CCDC171: variants seen among roughly 807,000 people sequenced by gnomAD.
The protein encoded by CCDC171 is coiled-coil domain-containing protein 171.
Under a neutral mutation model 168.2 loss-of-function variants are expected in CCDC171, and 177 were observed. The ratio of observed to expected loss-of-function variants is 1.05; its 90% CI spans 0.93 to 1.19. The LOEUF is 1.19. Ranked by LOEUF, CCDC171 falls within the 50% of genes most tolerant of loss-of-function variation. The pLI, the probability that CCDC171 is intolerant of heterozygous loss-of-function variation, is 0.00. For synonymous variants in CCDC171, 687 were observed against 540.8 expected (o/e 1.27, Z -3.75); for missense variants, 1,991 against 1,539.0 (o/e 1.29, Z -4.91).
intron 3 of CCDC171, among the ~76,000 whole-genome samples, chr9:16,002,819 A>C (rs1734049470): frequency 6.6e-6 from 1 of 152,148 alleles, no homozygotes; most frequent in Non-Finnish European, 1.5e-5. Flanking sequence ...TTTGTACTGT[A>C]CTTTTGCTAT....
At chr9:15,637,283 A>G (rs2046272188) in intron 7 of CCDC171, among the ~76,000 whole-genome samples, 1 of 152,054 alleles carries the variant, frequency 6.6e-6, no homozygotes, top group Admixed American at 6.6e-5. Context: ...AAAAGTAATA[A>G]AATGCACACA....
chr9:15,910,445 A>G (rs967918583), intron 24 of CCDC171, among the ~76,000 whole-genome samples: 8 of 152,144 alleles, frequency 5.3e-5, no homozygotes, highest in Admixed American at 6.6e-5. Flanking sequence ...TTGTGCTAGT[A>G]CCATGCTATT....
intron 7 of CCDC171, among the ~76,000 whole-genome samples, chr9:15,629,509 A>G (rs961773565): frequency 5.9e-5 from 9 of 152,242 alleles, no homozygotes; most frequent in African/African-American, 1.7e-4. Context: ...CAAAGCCTCC[A>G]GGAAATATGG....
intron 11 of CCDC171, among the ~76,000 whole-genome samples, chr9:15,715,813 T>G (rs912896812): frequency 1.3e-5 from 2 of 152,246 alleles, no homozygotes; most frequent in African/African-American, 4.8e-5. Context: ...TGATGTCAGC[T>G]TGAAAAACAA....
At chr9:15,795,358 C>G (rs943381117) in intron 21 of CCDC171, among the ~76,000 whole-genome samples, 2 of 152,178 alleles carry the variant, frequency 1.3e-5, no homozygotes, top group Non-Finnish European at 2.9e-5. Context: ...GGTCTCACCT[C>G]TCAGCACTGT....
chr9:15,574,367 A>T (rs889690726), intron 3 of CCDC171, among the ~76,000 whole-genome samples: 11 of 151,490 alleles, frequency 7.3e-5, no homozygotes, highest in Admixed American at 1.3e-4. Context: ...CTGGTCTCGA[A>T]CTCCTGACTT....
intron 3 of CCDC171, among the ~76,000 whole-genome samples, chr9:16,003,658 G>T (rs1040350058): frequency 2.1e-4 from 32 of 152,164 alleles, no homozygotes; most frequent in Non-Finnish European, 4.4e-4. Flanking sequence ...CTTTTTCCGT[G>T]TCATTATTTG....
intron 23 of CCDC171, among the ~76,000 whole-genome samples, chr9:15,866,173 C>A (rs1322918001): frequency 6.6e-6 from 1 of 151,844 alleles, no homozygotes; most frequent in Non-Finnish European, 1.5e-5. Flanking sequence ...AGCCTTGGAT[C>A]ATATAATGGA....
At chr9:15,741,201 C>G (rs1044449926) in intron 16 of CCDC171, among the ~76,000 whole-genome samples, 24 of 152,148 alleles carry the variant, frequency 1.6e-4, no homozygotes, top group African/African-American at 4.6e-4. Context: ...AGTGTGTTCA[C>G]AGTATTGCAC....
chr9:15,660,679 T>C (rs986552817), intron 8 of CCDC171, among the ~76,000 whole-genome samples: 2 of 152,250 alleles, frequency 1.3e-5, no homozygotes, highest in African/African-American at 4.8e-5. Context: ...TGCGTAGTAA[T>C]CCATGGTAAG....
chr9:15,916,350 G>A (rs1481816213), intron 24 of CCDC171, among the ~76,000 whole-genome samples: 2 of 151,776 alleles, frequency 1.3e-5, no homozygotes, highest in Non-Finnish European at 2.9e-5. Flanking sequence ...CTGATTTTGT[G>A]AGAATGTATT....
intron 22 of CCDC171, among the ~76,000 whole-genome samples, chr9:15,848,364 C>G (rs2060988001): frequency 6.6e-6 from 1 of 151,812 alleles, no homozygotes; most frequent in South Asian, 2.1e-4. Flanking sequence ...ATAGGAGAAA[C>G]TAGTAACTTT....
intron 21 of CCDC171, among the ~76,000 whole-genome samples, chr9:15,832,643 G>A (rs2060280742): frequency 6.6e-6 from 1 of 152,124 alleles, no homozygotes; most frequent in South Asian, 2.1e-4. Flanking sequence ...GGGGCTTGAG[G>A]GACTGGAAGT....
chr9:15,736,228 C>T (rs1395366554), intron 16 of CCDC171, among the ~76,000 whole-genome samples: 5 of 152,164 alleles, frequency 3.3e-5, no homozygotes, highest in Admixed American at 3.3e-4. Flanking sequence ...CCATCCTTAT[C>T]TTCCAGTCCC....
intron 8 of CCDC171, among the ~76,000 whole-genome samples, chr9:16,036,895 C>T (rs1833481225): frequency 6.6e-6 from 1 of 152,110 alleles, no homozygotes; most frequent in African/African-American, 2.4e-5. Context: ...GCCTGGGGGA[C>T]ATGATGTTAA....
At chr9:16,086,555 C>A in the CCDC171 span, among the ~76,000 whole-genome samples, 1 of 152,186 alleles carries the variant, frequency 6.6e-6, no homozygotes, top group African/African-American at 2.4e-5. Context: ...ATCTGCCCGC[C>A]TCAGCCTCCC....
At chr9:15,625,268 C>T (rs572688797) in intron 7 of CCDC171, among the ~76,000 whole-genome samples, 7 of 152,262 alleles carry the variant, frequency 4.6e-5, no homozygotes, top group South Asian at 2.1e-4. Flanking sequence ...CTATAGATTG[C>T]GTGTTCACTC....
chr9:15,622,267 A>C (rs2044571090), intron 6 of CCDC171, among the ~76,000 whole-genome samples: 1 of 152,202 alleles, frequency 6.6e-6, no homozygotes, highest in African/African-American at 2.4e-5. Context: ...CTACACATGT[A>C]CCCATGAACC....
At chr9:16,100,332 C>G in the CCDC171 span, among the ~76,000 whole-genome samples, 6 of 152,268 alleles carry the variant, frequency 3.9e-5, no homozygotes, top group African/African-American at 1.4e-4. Context: ...AGTAAAAACG[C>G]CATGCATAAG....
Sources: allele counts gnomAD v4.1 joint callset (sites outside exome capture counted in the v4.1 genomes callset), GRCh38; gene constraint gnomAD v4.1.1; transcripts MANE v1.5; gene names NCBI Gene and HGNC (gene_info 2026-07-23, HGNC 2026-07-21).